Variants in PCDH7 observed in about 807,000 individuals in gnomAD.
The protein encoded by PCDH7 is protocadherin 7, also known as protocadherin-7.
PCDH7 carries 17 observed loss-of-function variants against 58.9 expected under a neutral mutation model. The observed-to-expected ratio is 0.29, with a 90% CI of 0.20 to 0.43. The LOEUF is 0.43. Ranked by LOEUF, PCDH7 falls within the 20% of genes least tolerant of loss-of-function variation. The probability of loss-of-function intolerance (pLI) is 1.00; values close to 1 mark genes in which losing one functional copy is unlikely to be tolerated. For synonymous variants in PCDH7, 664 were observed against 616.4 expected, an observed-to-expected ratio of 1.08 and a Z score of -1.14; for missense variants, 1,274 against 1,441.0, an observed-to-expected ratio of 0.88 and a Z score of 1.88.
At chr4:30,827,295 A>G (rs1577958553) in intron 1 of PCDH7, among the ~76,000 whole-genome samples, 1 of 152,176 alleles carries the variant, frequency 6.6e-6, no homozygotes, top group East Asian at 1.9e-4. Flanking sequence ...TTGAAAGCTA[A>G]GGCAACTGAG....
intron 3 of PCDH7, among the ~76,000 whole-genome samples, chr4:31,089,204 T>A (rs1712888646): frequency 6.6e-6 from 1 of 152,078 alleles, no homozygotes; most frequent in Non-Finnish European, 1.5e-5. Flanking sequence ...CCAGTAGGTA[T>A]AATTGGACTA....
chr4:30,904,185 C>T (rs938845908), intron 1 of PCDH7, among the ~76,000 whole-genome samples: 3 of 152,174 alleles, frequency 2.0e-5, no homozygotes, highest in Non-Finnish European at 2.9e-5. Flanking sequence ...TTGTAAGAAA[C>T]TACCAGGAGC....
At chr4:31,088,269 C>T (rs1712738813) in intron 3 of PCDH7, among the ~76,000 whole-genome samples, 1 of 151,972 alleles carries the variant, frequency 6.6e-6, no homozygotes, top group African/African-American at 2.4e-5. Context: ...AGAATTGCTT[C>T]TGTTTGCTTC....
At chr4:30,858,624 A>C (rs961331603) in intron 1 of PCDH7, among the ~76,000 whole-genome samples, 2 of 152,270 alleles carry the variant, frequency 1.3e-5, no homozygotes, top group African/African-American at 4.8e-5. Flanking sequence ...TGCACATATA[A>C]GTTATATTGC....
intron 2 of PCDH7, among the ~76,000 whole-genome samples, chr4:30,929,706 T>G (rs779354416): frequency 6.6e-6 from 1 of 152,188 alleles, no homozygotes; most frequent in Non-Finnish European, 1.5e-5. Flanking sequence ...CTCCCATGGT[T>G]TTATTTCTGA....
At chr4:31,016,803 G>A (rs1753641855) in intron 3 of PCDH7, among the ~76,000 whole-genome samples, 1 of 151,186 alleles carries the variant, frequency 6.6e-6, no homozygotes, top group African/African-American at 2.4e-5. Flanking sequence ...GTGTGTGCGT[G>A]TGTGCATGTG....
intron 1 of PCDH7, among the ~76,000 whole-genome samples, chr4:30,826,653 G>A (rs1729123242): frequency 6.6e-6 from 1 of 152,088 alleles, no homozygotes; most frequent in Admixed American, 6.6e-5. Flanking sequence ...AGACCATGAC[G>A]CTTACAAGAG....
intron 1 of PCDH7, among the ~76,000 whole-genome samples, chr4:30,728,085 T>A (rs574546171): frequency 6.6e-6 from 1 of 151,960 alleles, no homozygotes; most frequent in Non-Finnish European, 1.5e-5. Context: ...TTTCAGTTTG[T>A]CTTCATAATG....
At chr4:31,034,962 C>T (rs1390676467) in intron 3 of PCDH7, among the ~76,000 whole-genome samples, 1 of 152,182 alleles carries the variant, frequency 6.6e-6, no homozygotes. Context: ...TAATTGCACC[C>T]TTGTGATGTG....
At chr4:30,952,384 A>T (rs980099011) in intron 3 of PCDH7, among the ~76,000 whole-genome samples, 5 of 152,046 alleles carry the variant, frequency 3.3e-5, no homozygotes. Context: ...GCTATGCTTG[A>T]ATAGGAAAAC....
intron 3 of PCDH7, among the ~76,000 whole-genome samples, chr4:31,076,644 A>G (rs1475752023): frequency 6.6e-6 from 1 of 152,214 alleles, no homozygotes; most frequent in African/African-American, 2.4e-5. Flanking sequence ...CCATATGCCA[A>G]AAGAAACAGC....
At position 31,097,608 on chromosome 4, in the gene PCDH7, ATATATATATATATATATATATATAT is replaced by A. The variant is rs1371866472; in HGVS notation, c.*8-44864_*8-44840del. Among the ~76,000 whole-genome samples, 14 of 31,196 alleles carry A rather than the reference ATATATATATATATATATATATATAT, an allele frequency of 4.5e-4. 2 individuals carry two copies. The East Asian group carries it at 0.016, about 35-fold the overall frequency. 20.5% of individuals were successfully genotyped at this position (31,196 alleles called of 152,430 possible). Reference sequence around the variant, plus strand: ...TATACATATATATATATATATATATATATATATATATATATATATATATATATATAAATCTTTTTTCTGTAATTTC... The same window carrying A: ...TATACATATATATATATATATATATAATATAAATCTTTTTTCTGTAATTTC... On this transcript the variant is annotated intron_variant, in intron 3 of 3. Coordinates refer to the PCDH7 transcript ENST00000509759.
chr4:30,734,282 G>C (rs1715933344), downstream of PCDH7, among the ~76,000 whole-genome samples: 1 of 151,238 alleles, frequency 6.6e-6, no homozygotes, highest in South Asian at 2.1e-4. Flanking sequence ...GCCCAGGCTG[G>C]AGTGCAGCAG....
chr4:31,000,397 A>G (rs1323559896), intron 3 of PCDH7, among the ~76,000 whole-genome samples: 1 of 152,152 alleles, frequency 6.6e-6, no homozygotes, highest in Non-Finnish European at 1.5e-5. Flanking sequence ...TTGGCCTTCA[A>G]TTACAAGGTA....
rs1187115887 is a variant in PCDH7, at chr4:30,721,479, C to T, written c.57C>T (p.Leu19=). ...GCGGCTGGTGCTTGGGCTGCTGCCT[C>T]CTCCTGCCGCTCTCGCTCAGCCTGG... is the stretch of plus-strand genomic sequence containing the variant. Residue 19 remains leucine, a synonymous_variant, in exon 1 of 2, where the codon CTC becomes CTT. Coordinates refer to ENST00000361762, the Ensembl canonical transcript of PCDH7. This position sits in a 1 kb window ranked among gnomAD's most constrained non-coding sequence, Gnocchi z 6.7. The T allele has an allele frequency of 6.3e-7, 1 of 1,586,904 alleles. No homozygotes were observed. The highest frequency in any genetic ancestry group is 8.5e-7 in the Non-Finnish European group (1 of 1,172,154).
At chr4:30,952,851 A>G (rs1156939547) in intron 3 of PCDH7, among the ~76,000 whole-genome samples, 1 of 152,152 alleles carries the variant, frequency 6.6e-6, no homozygotes, top group African/African-American at 2.4e-5. Context: ...TGCCTAGAGA[A>G]TACGGTTGAG....
At chr4:30,768,060 CAG>C (rs2109275731) in intron 1 of PCDH7, among the ~76,000 whole-genome samples, 1 of 152,192 alleles carries the variant, frequency 6.6e-6, no homozygotes, top group Admixed American at 6.5e-5. Context: ...ATGTGATACT[CAG>C]AATCAGAAAA....
intron 1 of PCDH7, among the ~76,000 whole-genome samples, chr4:30,823,592 A>C (rs1031268785): frequency 6.6e-6 from 1 of 152,106 alleles, no homozygotes; most frequent in African/African-American, 2.4e-5. Flanking sequence ...CTCGGCGTAC[A>C]GGGGTCTTTG....
chr4:31,015,766 C>G (rs1753559523), intron 3 of PCDH7, among the ~76,000 whole-genome samples: 1 of 152,106 alleles, frequency 6.6e-6, no homozygotes, highest in Non-Finnish European at 1.5e-5. Context: ...TGTTTGTTTT[C>G]TTTGCACTTT....
Sources: allele counts gnomAD v4.1 joint callset (sites outside exome capture counted in the v4.1 genomes callset), GRCh38; gene constraint gnomAD v4.1.1; non-coding constraint Gnocchi (gnomAD v3.1); transcripts MANE v1.5; gene names NCBI Gene and HGNC (gene_info 2026-07-23, HGNC 2026-07-21).